HECTD4: variants seen among roughly 807,000 people sequenced by gnomAD.
The protein encoded by HECTD4 is probable E3 ubiquitin-protein ligase HECTD4.
A neutral mutation model predicts 471.5 loss-of-function variants in HECTD4; 114 were observed. The ratio of observed to expected loss-of-function variants is 0.24; its 90% CI spans 0.21 to 0.28. HECTD4 has a LOEUF of 0.28. Ranked by LOEUF, HECTD4 falls within the 10% of genes least tolerant of loss-of-function variation. HECTD4 has a pLI of 1.00. For missense variants in HECTD4, 3,866 were observed against 5,651.5 expected (o/e 0.68, Z 10.13); for synonymous variants, 2,012 against 2,256.0 (o/e 0.89, Z 3.07).
chr12:112,254,197 A>G, intron 21 of HECTD4, 35 bp from the exon 22 acceptor site: 1 of 1,601,826 alleles, frequency 6.2e-7, no homozygotes, highest in Non-Finnish European at 8.5e-7. Flanking sequence ...AGACTGTAAA[A>G]GAAAAACAAA....
At position 112,176,830 on chromosome 12, in the gene HECTD4, G is replaced by A. The variant is rs971651462; in HGVS notation, c.11364-128C>T. 1.8e-5 allele frequency: 13 copies of A among 736,302 alleles called. 1 individual carries two copies. Among genetic ancestry groups the A allele is most frequent in the South Asian group, 1.7e-4 (10 of 58,856 alleles). 45.6% of individuals were successfully genotyped at this position (736,302 alleles called of 1,614,324 possible). ...TTAGGGCTTAGGGCTCAGATAGGGCGGGGGCGTTCAAGACCGCCTTTGTTC... is the reference window on the plus strand; with the variant it reads ...TTAGGGCTTAGGGCTCAGATAGGGCAGGGGCGTTCAAGACCGCCTTTGTTC... On this transcript the variant is annotated intron_variant, in intron 64 of 75. Transcript: ENST00000682272.
In HECTD4 at chr12:112,274,955, C is replaced by A. The variant is rs771883104; in HGVS notation, c.1693G>T (p.Ala565Ser). ...TSGLSSLKIL[A>S]SSLVYNISDG... is the part of the protein sequence containing the mutation. ...GAAATATTATACACCAAGCTGGAGG[C>A]TAGGACTTTGGAAACAAACATTAAG... The change falls in exon 10 of 76, where the codon GCC (alanine) becomes TCC (serine). Residue 565 changes from alanine to serine, a missense_variant. By Grantham distance (99) the Ala-to-Ser change is moderately conservative. Around this residue, in one of 16 missense-constraint regions of HECTD4, gnomAD observed 525 missense variants for 672.6 expected, o/e 0.78. Transcript: ENST00000682272. The A allele has an allele frequency of 7.5e-5, 115 of 1,540,492 alleles. No individual in the cohort carries two copies. Among genetic ancestry groups the A allele is most frequent in the Non-Finnish European group, 9.2e-5 (105 of 1,138,186 alleles).
intron 38 of HECTD4, 71 bp downstream of exon 38, chr12:112,232,933 G>C: frequency 7.4e-7 from 1 of 1,350,396 alleles, no homozygotes; most frequent in Non-Finnish European, 1.0e-6. Flanking sequence ...TTCTTAATTT[G>C]TTCTGAAAAT....
At chr12:112,172,029 A>G (rs2137008331) in intron 67 of HECTD4, among the ~76,000 whole-genome samples, 1 of 152,196 alleles carries the variant, frequency 6.6e-6, no homozygotes, top group Middle Eastern at 3.4e-3. Flanking sequence ...TCAGCCTCCC[A>G]AGTAGCTGGG....
chr12:112,372,889 G>C (rs1240886187), intron 1 of HECTD4, among the ~76,000 whole-genome samples: 1 of 151,814 alleles, frequency 6.6e-6, no homozygotes, highest in East Asian at 1.9e-4. Context: ...TGAGTAGCTG[G>C]GACTACAAGT....
chr12:112,208,460 G>A (rs760740659), intron 51 of HECTD4, 34 bp downstream of exon 51: 2 of 1,520,502 alleles, frequency 1.3e-6, no homozygotes, highest in African/African-American at 2.8e-5. Flanking sequence ...AGCAAATGCT[G>A]CTGAGTCCTG....
At chr12:112,337,943 TA>T (rs752822416) in intron 1 of HECTD4, among the ~76,000 whole-genome samples, 1 of 152,238 alleles carries the variant, frequency 6.6e-6, no homozygotes, top group Non-Finnish European at 1.5e-5. Context: ...ATTATCCGAT[TA>T]TGCTGAAAAT....
chr12:112,301,943 C>A, intron 7 of HECTD4: 1 of 902,422 alleles, frequency 1.1e-6, no homozygotes, highest in Admixed American at 1.7e-5. Flanking sequence ...AGACTTGGGA[C>A]CCAAGATATT....
chr12:112,292,723 C>T (rs1293515709), intron 7 of HECTD4, among the ~76,000 whole-genome samples: 1 of 152,046 alleles, frequency 6.6e-6, no homozygotes, highest in Non-Finnish European at 1.5e-5. Context: ...AATAAAAATA[C>T]CGGGAAAAAA....
chr12:112,285,946 C>T (rs2034743742), intron 7 of HECTD4, among the ~76,000 whole-genome samples: 1 of 151,918 alleles, frequency 6.6e-6, no homozygotes, highest in Non-Finnish European at 1.5e-5. Flanking sequence ...CAAAAGCATC[C>T]AAGATAAAAA....
At chr12:112,334,710 T>G (rs187100624) in intron 1 of HECTD4, among the ~76,000 whole-genome samples, 1 of 146,054 alleles carries the variant, frequency 6.8e-6, no homozygotes, top group African/African-American at 2.5e-5. Context: ...CTCGAGAGGC[T>G]GAGGCAGGAG....
intron 9 of HECTD4, among the ~76,000 whole-genome samples, chr12:112,275,790 C>T (rs1333261408): frequency 6.6e-6 from 1 of 152,088 alleles, no homozygotes; most frequent in African/African-American, 2.4e-5. Context: ...ATAAATGATA[C>T]TCTTTTTTCT....
At chr12:112,283,774 G>A (rs1211647237) in intron 7 of HECTD4, among the ~76,000 whole-genome samples, 1 of 152,188 alleles carries the variant, frequency 6.6e-6, no homozygotes, top group East Asian at 1.9e-4. Context: ...AGCAAGCCTG[G>A]ACAAAGCCAG....
chr12:112,199,078 G>A (rs570471976), intron 55 of HECTD4, among the ~76,000 whole-genome samples: 66 of 152,188 alleles, frequency 4.3e-4, no homozygotes, highest in Non-Finnish European at 8.1e-4. Flanking sequence ...CTGTTGAGCC[G>A]CCGGCCGCAG....
chr12:112,361,969 C>T (rs2036457846), intron 1 of HECTD4, among the ~76,000 whole-genome samples: 2 of 152,142 alleles, frequency 1.3e-5, no homozygotes, highest in Admixed American at 1.3e-4. Context: ...ATTGAAGCAC[C>T]AAATAGAACT....
At chr12:112,314,678 G>A in intron 2 of HECTD4, 132 bp from the exon 3 acceptor site, 2 of 612,068 alleles carry the variant, frequency 3.3e-6, no homozygotes, top group Non-Finnish European at 5.8e-6. Flanking sequence ...GTCAGATGAT[G>A]TGTTGTAAAA....
chr12:112,170,033 T>C, intron 69 of HECTD4: 1 of 538,632 alleles, frequency 1.9e-6, no homozygotes, highest in South Asian at 2.1e-5. Context: ...CTTCTCTCCC[T>C]TTCCTTTGAT....
At chr12:112,307,937 G>A (rs768077626) in intron 6 of HECTD4, among the ~76,000 whole-genome samples, 1 of 152,204 alleles carries the variant, frequency 6.6e-6, no homozygotes, top group Non-Finnish European at 1.5e-5. Flanking sequence ...TAACCTCTCT[G>A]AGCTGTATTC....
Position 112,162,331 on chromosome 12 carries a change from C to T in HECTD4, c.*56G>A, listed in dbSNP as rs1593880421. On this transcript the variant is annotated 3_prime_UTR_variant, in exon 76 of 76. Coordinates refer to ENST00000682272, the MANE Select transcript of HECTD4 (RefSeq NM_001388303.1). The surrounding 1 kb of genome is among the most constrained non-coding windows in gnomAD (Gnocchi z 5.2). ...GAGGGACGGGCCGCAGTGGTGGCTT[C>T]CCAAGCCAGCAGAGTGGGTGCCTCA... 6.2e-7 allele frequency: 1 copy of T among 1,609,832 alleles called. No homozygotes were observed. Among genetic ancestry groups the T allele is most frequent in the Non-Finnish European group, 8.5e-7 (1 of 1,177,248 alleles).
Sources: allele counts gnomAD v4.1 joint callset (sites outside exome capture counted in the v4.1 genomes callset), GRCh38; gene constraint gnomAD v4.1.1; regional missense constraint gnomAD v4.1.1; non-coding constraint Gnocchi (gnomAD v3.1); transcripts MANE v1.5; gene names NCBI Gene and HGNC (gene_info 2026-07-23, HGNC 2026-07-21).